ASIC2: variants seen among roughly 807,000 people sequenced by gnomAD.
ASIC2 encodes the protein acid sensing ion channel subunit 2.
A neutral mutation model predicts 57.3 loss-of-function variants in ASIC2; 25 were observed. The ratio of observed to expected loss-of-function variants is 0.44; its 90% CI spans 0.32 to 0.61. The LOEUF is 0.61. Among genes scored for constraint, ASIC2 ranks in the 20% least tolerant of loss-of-function variants. ASIC2 has a pLI of 0.06. For synonymous variants in ASIC2, 319 were observed against 307.5 expected (o/e 1.04, Z -0.39); for missense variants, 641 against 738.1 (o/e 0.87, Z 1.52).
At chr17:33,827,184 A>G (rs936523413) in intron 1 of ASIC2, among the ~76,000 whole-genome samples, 3 of 152,100 alleles carry the variant, frequency 2.0e-5, no homozygotes, top group African/African-American at 7.2e-5. Flanking sequence ...CATTGAGAGA[A>G]GGTTTGTCTA....
intron 1 of ASIC2, among the ~76,000 whole-genome samples, chr17:33,596,591 C>A (rs1287393734): frequency 6.6e-6 from 1 of 152,160 alleles, no homozygotes; most frequent in African/African-American, 2.4e-5. Flanking sequence ...ACACAAAGAA[C>A]CTGCAGTATC....
chr17:33,845,738 C>A (rs1913576064), intron 1 of ASIC2, among the ~76,000 whole-genome samples: 1 of 152,112 alleles, frequency 6.6e-6, no homozygotes, highest in South Asian at 2.1e-4. Flanking sequence ...TTAGAATGAC[C>A]TCATACATCC....
At chr17:33,336,314 C>T (rs2142231644) in intron 1 of ASIC2, among the ~76,000 whole-genome samples, 1 of 152,210 alleles carries the variant, frequency 6.6e-6, no homozygotes, top group Non-Finnish European at 1.5e-5. Context: ...AAGGAGAAAT[C>T]ACTCATACTG....
At chr17:33,839,535 C>A (rs1383154210) in intron 1 of ASIC2, among the ~76,000 whole-genome samples, 3 of 152,150 alleles carry the variant, frequency 2.0e-5, no homozygotes, top group Non-Finnish European at 4.4e-5. Context: ...TGGGACTCTG[C>A]AAACCACATT....
intron 3 of ASIC2, among the ~76,000 whole-genome samples, chr17:33,076,573 A>G (rs533236688): frequency 5.3e-5 from 8 of 152,340 alleles, no homozygotes; most frequent in African/African-American, 1.9e-4. Flanking sequence ...TCAGTATGGT[A>G]GGCACCACTC....
chr17:33,799,411 C>CT lies in ASIC2; in HGVS notation c.555+356566dup, dbSNP rs1416207695. Among the ~76,000 whole-genome samples, 212 of 61,082 alleles carry CT rather than the reference C, an allele frequency of 3.5e-3. 2 individuals are homozygous for CT. The highest frequency in any genetic ancestry group is 0.01 in the African/African-American group (161 of 15,562). 40.1% of individuals were successfully genotyped at this position (61,082 alleles called of 152,430 possible). On this transcript the variant is annotated intron_variant, in intron 1 of 9. Transcript: ENST00000359872. ...CTTTCTTTCTTTCTTTCTTTTCTTT[C>CT]TTTCTTTCTTTCTTTCTTCTTTCTT...
rs537110388 is a variant in ASIC2, at chr17:33,516,385, TGTAA to T, written c.556-404322_556-404319del. Among the ~76,000 whole-genome samples, 723 of 137,284 alleles carry T rather than the reference TGTAA, an allele frequency of 5.3e-3. 8 individuals carry two copies. Among genetic ancestry groups the T allele is most frequent in the African/African-American group, 0.018 (644 of 34,930 alleles). The allele number at this position is 137,284 out of a possible 152,430, so 90.1% of individuals were successfully genotyped here. On this transcript the variant is annotated intron_variant, in intron 1 of 9. Coordinates refer to the ASIC2 transcript ENST00000359872. ...GTGAGTGTGAGTGTGAATGTGTGTT[TGTAA>T]GTGTGTTTGTGAGTGTGAGTGTGTG... is the stretch of plus-strand genomic sequence containing the variant.
Position 33,814,171 on chromosome 17 carries a change from C to T in ASIC2, c.555+341807G>A, listed in dbSNP as rs561237326. Among the ~76,000 whole-genome samples the T allele has an allele frequency of 1.6e-4, 25 of 152,232 alleles. No homozygotes were observed. The South Asian group carries it at 2.1e-3, about 13-fold the overall frequency. The stretch of plus-strand genomic sequence containing the variant: ...GCCACTCTTTCCTCCCAGGAGATTC[C>T]GCCTTTTAAAGCCCCAAGGACATTC... On this transcript the variant is annotated intron_variant, in intron 1 of 9. Transcript: ENST00000359872.
intron 1 of ASIC2, among the ~76,000 whole-genome samples, chr17:33,631,191 G>A (rs1441755916): frequency 6.6e-6 from 1 of 152,214 alleles, no homozygotes; most frequent in Non-Finnish European, 1.5e-5. Flanking sequence ...AGCCCCTTGG[G>A]CTAAGGGAAG....
chr17:33,245,002 A>G (rs1273107795), intron 1 of ASIC2, among the ~76,000 whole-genome samples: 1 of 152,228 alleles, frequency 6.6e-6, no homozygotes, highest in Non-Finnish European at 1.5e-5. Context: ...AAACTGGGTC[A>G]CGTGGGGGTG....
At chr17:33,630,167 A>G (rs11653895) in intron 1 of ASIC2, among the ~76,000 whole-genome samples, 45,031 of 152,024 alleles carry the variant, frequency 0.3, 6,842 homozygotes, top group East Asian at 0.42. Context: ...GTGGCTCCCA[A>G]TCATCTGTAA....
chr17:34,035,566 A>G (rs531565482), intron 1 of ASIC2, among the ~76,000 whole-genome samples: 88 of 152,136 alleles, frequency 5.8e-4, no homozygotes, highest in African/African-American at 2.1e-3. Context: ...TCTGCACATC[A>G]AAAGAAACTA....
At chr17:33,357,231 C>G (rs939926897) in intron 1 of ASIC2, among the ~76,000 whole-genome samples, 6 of 152,066 alleles carry the variant, frequency 3.9e-5, no homozygotes, top group Non-Finnish European at 8.8e-5. Context: ...GATCTGAACT[C>G]CTCATTGTTC....
intron 1 of ASIC2, among the ~76,000 whole-genome samples, chr17:33,609,324 C>T (rs72827218): frequency 0.018 from 2,796 of 152,274 alleles, 50 homozygotes; most frequent in East Asian, 0.072. Flanking sequence ...TGCCTGCTCC[C>T]GCTCCACTCC....
At chr17:33,656,774 T>G (rs1185503689) in intron 1 of ASIC2, among the ~76,000 whole-genome samples, 1 of 152,246 alleles carries the variant, frequency 6.6e-6, no homozygotes, top group Non-Finnish European at 1.5e-5. Flanking sequence ...TCTGTTTACT[T>G]ACTTGTTTCT....
intron 1 of ASIC2, among the ~76,000 whole-genome samples, chr17:34,128,143 G>A (rs1383664108): frequency 3.9e-5 from 6 of 152,302 alleles, no homozygotes; most frequent in African/African-American, 1.4e-4. Flanking sequence ...TGAGAAAAAG[G>A]GAATCAAATG....
At chr17:33,528,146 G>A (rs1661612964) in intron 1 of ASIC2, among the ~76,000 whole-genome samples, 1 of 138,636 alleles carries the variant, frequency 7.2e-6, no homozygotes, top group African/African-American at 3.0e-5. Context: ...ACCTGGGCCT[G>A]GCTGACCCGT....
chr17:34,132,375 G>A (rs530162693), intron 1 of ASIC2, among the ~76,000 whole-genome samples: 51 of 152,320 alleles, frequency 3.3e-4, no homozygotes, highest in African/African-American at 1.2e-3. Context: ...AGGACAGGTA[G>A]ACGGGTTGCG....
At position 33,817,796 on chromosome 17, in the gene ASIC2, T is replaced by G. The variant is rs569550624; in HGVS notation, c.555+338182A>C. On this transcript the variant is annotated intron_variant, in intron 1 of 9. Transcript: ENST00000359872. ...GGCAGGGCTCAGCAGGGACAGCTCATTTTTGCTCTAGTCAGCATCAACGGG... is the reference window on the plus strand; with the variant it reads ...GGCAGGGCTCAGCAGGGACAGCTCAGTTTTGCTCTAGTCAGCATCAACGGG... Among the ~76,000 whole-genome samples, 43 of 152,300 alleles carry G rather than the reference T, an allele frequency of 2.8e-4. No individual in the cohort carries two copies. The South Asian group carries it at 7.3e-3, about 26-fold the overall frequency.
Sources: gnomAD v4.1 joint callset for allele counts (sites outside exome capture counted in the v4.1 genomes callset) on GRCh38, gnomAD v4.1.1 for gene constraint, MANE v1.5 for transcripts, NCBI Gene and HGNC (gene_info 2026-07-23, HGNC 2026-07-21) for gene names.